Variants in CRIP1 observed in about 807,000 individuals in gnomAD.
CRIP1 encodes cysteine-rich protein 1.
A neutral mutation model predicts 12.9 loss-of-function variants in CRIP1; 11 were observed. That is an observed-to-expected ratio of 0.86 (90% CI 0.54 to 1.42). The LOEUF (loss-of-function observed/expected upper bound fraction) is 1.42. Among genes scored for constraint, CRIP1 ranks in the 40% most tolerant of loss-of-function variants. The pLI, the probability that CRIP1 is intolerant of heterozygous loss-of-function variation, is 0.00. For missense variants in CRIP1, 122 were observed against 101.3 expected (o/e 1.20, Z -0.88); for synonymous variants, 41 against 37.2 (o/e 1.10, Z -0.37).
At chr14:105,487,857 C>T (rs1555438347) in intron 2 of CRIP1, 6 of 420,850 alleles carry the variant, frequency 1.4e-5, no homozygotes, top group Non-Finnish European at 2.2e-5. Context: ...CTGACCTAAG[C>T]CGCGACCCCT....
Position 105,488,911 on chromosome 14 carries a change from G to A in CRIP1, c.*254G>A, listed in dbSNP as rs2084156022. Reference sequence around the variant, plus strand: ...TGCCCATTGCCCTCCCCAGGGGGCCGTTCCAGGGTCTCATAGGCGAGGGCT... The same window carrying A: ...TGCCCATTGCCCTCCCCAGGGGGCCATTCCAGGGTCTCATAGGCGAGGGCT... On this transcript the variant is annotated 3_prime_UTR_variant, in exon 6 of 6. Transcript: ENST00000392531. The A allele has an allele frequency of 8.3e-6, 2 of 240,212 alleles. No homozygotes were observed. Among genetic ancestry groups the A allele is most frequent in the African/African-American group, 4.5e-5 (2 of 44,730 alleles). The allele number at this position is 240,212 out of a possible 1,614,324, so 14.9% of individuals were successfully genotyped here. A position where few individuals can be genotyped will look rare whatever the true frequency, so the allele number is the denominator to read the frequency against.
Position 105,488,479 on chromosome 14 carries a change from C to A in CRIP1, c.202C>A (p.Arg68=). The A allele has an allele frequency of 7.3e-7, 1 of 1,372,492 alleles. No individual in the cohort carries two copies. Among genetic ancestry groups the A allele is most frequent in the South Asian group, 1.1e-5 (1 of 87,748 alleles). The allele number at this position is 1,372,492 out of a possible 1,614,324, so 85.0% of individuals were successfully genotyped here. The stretch of plus-strand genomic sequence containing the variant: ...TTCCACCTTCTCTGCAGGCTTTGGG[C>A]GGGGCGGAGCCGAGAGCCACACTTT... ...AAMFGPKGFG[R]GGAESHTFK is the part of the protein sequence containing the mutation. Residue 68 remains arginine, a synonymous_variant, in exon 5 of 6, where the codon CGG becomes AGG. Coordinates refer to ENST00000392531, the MANE Select transcript of CRIP1 (RefSeq NM_001311.5).
rs1555438458 is a variant in CRIP1, at chr14:105,488,248, G to A, written c.123G>A (p.Gly41=). The A allele has an allele frequency of 6.2e-7, 1 of 1,613,452 alleles. No homozygotes were observed. The highest frequency in any genetic ancestry group is 1.7e-5 in the Admixed American group (1 of 60,032). The change falls in exon 3 of 6, where the codon GGG becomes GGA. Residue 41 remains glycine, a synonymous_variant. Transcript: ENST00000392531. ...AATGTGGGAAGACGCTGACCTCTGG[G>A]GGCCACGCTGAGGTAGGTGGGACCC... The part of the protein sequence containing the change: ...CEKCGKTLTS[G]GHAEHEGKPY...
intron 2 of CRIP1, chr14:105,487,965 T>G: frequency 1.7e-6 from 1 of 582,218 alleles, no homozygotes; most frequent in East Asian, 2.9e-5. Flanking sequence ...CCGCGCTTTG[T>G]TTAGTTGTAT....
At position 105,487,232 on chromosome 14, in the gene CRIP1, T is replaced by C; in HGVS notation, c.-28T>C. 1 of 1,542,128 alleles carries C rather than the reference T, an allele frequency of 6.5e-7. No individual in the cohort carries two copies. Among genetic ancestry groups the C allele is most frequent in the Non-Finnish European group, 8.7e-7 (1 of 1,143,904 alleles). ...CTGCAGCCCGTGCCGCCCCAGCCGC[T>C]GCCGCCTGCACCGGACCCGGAGCCG... On this transcript the variant is annotated 5_prime_UTR_variant, in exon 2 of 6. Transcript: ENST00000392531.
chr14:105,487,263 C>T lies in CRIP1; in HGVS notation c.4C>T (p.Pro2Ser), dbSNP rs1555438207. The T allele has an allele frequency of 1.3e-6, 2 of 1,544,734 alleles. No homozygotes were observed. Among genetic ancestry groups the T allele is most frequent in the African/African-American group, 2.8e-5 (2 of 72,546 alleles). M[P>S]KCPKCNKEVY... is the part of the protein sequence containing the mutation. ...CTGCACCGGACCCGGAGCCGTCATG[C>T]CCAAGTGTCCCAAGTGCAACAAGGA... Residue 2 changes from proline to serine, a missense_variant, in exon 2 of 6, where the codon CCC becomes TCC. Transcript: ENST00000392531.
In CRIP1 at chr14:105,488,681, T is replaced by C. The variant is rs921103947; in HGVS notation, c.*24T>C. The C allele has an allele frequency of 5.4e-6, 4 of 745,148 alleles. 1 individual carries two copies. The highest frequency in any genetic ancestry group is 8.8e-6 in the Non-Finnish European group (4 of 453,712). The allele number at this position is 745,148 out of a possible 1,614,324, so 46.2% of individuals were successfully genotyped here. ...TGCACAGGTGGTGGAGACCCCATCC[T>C]TGGCTGCTTGCAGGGCCACTGTCCA... On this transcript the variant is annotated 3_prime_UTR_variant, in exon 6 of 6. Transcript: ENST00000392531.
Position 105,487,279 on chromosome 14 carries a change from G to A in CRIP1, c.20G>A (p.Cys7Tyr), listed in dbSNP as rs1555438227. The A allele has an allele frequency of 6.5e-7, 1 of 1,544,952 alleles. No individual in the cohort carries two copies. Among genetic ancestry groups the A allele is most frequent in the Non-Finnish European group, 8.7e-7 (1 of 1,144,748 alleles). ...GCCGTCATGCCCAAGTGTCCCAAGT[G>A]CAACAAGGAGGTGTACTTCGGTGAG... MPKCPKCNKEVYFAERV... is the reference protein window; with the variant it reads MPKCPKYNKEVYFAERV... Residue 7 changes from cysteine (C) to tyrosine (Y), a missense_variant, in exon 2 of 6, where the codon TGC becomes TAC. Coordinates refer to ENST00000392531, the MANE Select transcript of CRIP1 (RefSeq NM_001311.5).
Position 105,488,403 on chromosome 14 carries a change from T to TGCCCCCCCCCCCC in CRIP1, c.193+15_193+16insGCCCCCCCCCCCC. The TGCCCCCCCCCCCC allele has an allele frequency of 3.2e-6, 5 of 1,580,462 alleles. No homozygotes were observed. Among genetic ancestry groups the TGCCCCCCCCCCCC allele is most frequent in the Non-Finnish European group, 4.3e-6 (5 of 1,156,498 alleles). On this transcript the variant is annotated intron_variant, in intron 4 of 5. Transcript: ENST00000392531. ...TGGGCCTAAAGGTATGCTCCCGTCA[T>TGCCCCCCCCCCCC]CCCCACCCCACCCCACCCCACAGCC...
intron 2 of CRIP1, chr14:105,487,963 T>G (rs1555438383): frequency 3.5e-6 from 2 of 573,038 alleles, no homozygotes; most frequent in Non-Finnish European, 6.2e-6. Context: ...CCCCGCGCTT[T>G]GTTTAGTTGT....
rs879994362 is a variant in CRIP1, at chr14:105,488,657, G to A, written c.*6-6G>A. ...CTCACGTCTGTGCCTGTCTCTCTCT[G>A]CACAGGTGGTGGAGACCCCATCCTT... On this transcript the variant is annotated splice_region_variant and splice_polypyrimidine_tract_variant and intron_variant, in intron 5 of 5. Coordinates refer to ENST00000392531, the MANE Select transcript of CRIP1 (RefSeq NM_001311.5). 2 of 898,698 alleles carry A rather than the reference G, an allele frequency of 2.2e-6. No individual in the cohort carries two copies. The highest frequency in any genetic ancestry group is 1.6e-5 in the South Asian group (1 of 61,076). 55.7% of individuals were successfully genotyped at this position (898,698 alleles called of 1,614,324 possible).
intron 4 of CRIP1, 33 bp from the exon 5 acceptor site, chr14:105,488,423 ACAGCCTCCTCCACCC>A (rs1371853434): frequency 1.9e-6 from 1 of 521,378 alleles, no homozygotes; most frequent in Non-Finnish European, 2.8e-6. Context: ...ACCCCACCCC[ACAGCCTCCTCCACCC>A]CAGCCTGTTG....
Position 105,488,366 on chromosome 14 carries a change from C to G in CRIP1, c.171C>G (p.Tyr57Ter). 6.2e-7 allele frequency: 1 copy of G among 1,613,470 alleles called. No homozygotes were observed. Among genetic ancestry groups the G allele is most frequent in the Non-Finnish European group, 8.5e-7 (1 of 1,179,980 alleles). Residue 57 changes from tyrosine (Y) to a stop codon, truncating the protein, a stop_gained, in exon 4 of 6, where the codon TAC (tyrosine) becomes TAG (stop). Coordinates refer to ENST00000392531, the MANE Select transcript of CRIP1 (RefSeq NM_001311.5). LOFTEE classifies it high-confidence loss of function. ...AACCCTACTGCAACCACCCCTGCTA[C>G]GCAGCCATGTTTGGGCCTAAAGGTA... is the stretch of plus-strand genomic sequence containing the variant. ...EGKPYCNHPCYAAMFGPKGFG... is the reference protein window; with the variant it reads ...EGKPYCNHPC
At chr14:105,488,043 G>A in intron 2 of CRIP1, 123 bp from the exon 3 acceptor site, 1 of 962,276 alleles carries the variant, frequency 1.0e-6, no homozygotes, top group Non-Finnish European at 1.6e-6. Context: ...CTGCCAGGCT[G>A]GGCGGATGCG....
chr14:105,488,379 G>T lies in CRIP1; in HGVS notation c.184G>T (p.Gly62Trp), dbSNP rs1555438520. Residue 62 changes from glycine (G) to tryptophan (W), a missense_variant, in exon 4 of 6, where the codon GGG (glycine) becomes TGG (tryptophan). Gly to Trp is a radical substitution (Grantham distance 184). Coordinates refer to ENST00000392531, the MANE Select transcript of CRIP1 (RefSeq NM_001311.5). ...CCACCCCTGCTACGCAGCCATGTTT[G>T]GGCCTAAAGGTATGCTCCCGTCATC... ...CNHPCYAAMF[G>W]PKGFGRGGAE... 1 of 1,613,250 alleles carries T rather than the reference G, an allele frequency of 6.2e-7. No individual in the cohort carries two copies. The highest frequency in any genetic ancestry group is 1.1e-5 in the South Asian group (1 of 91,078).
intron 2 of CRIP1, 190 bp from the exon 3 acceptor site, chr14:105,487,976 T>C: frequency 1.7e-6 from 1 of 602,882 alleles, no homozygotes; most frequent in South Asian, 2.0e-5. Context: ...TTAGTTGTAT[T>C]GGCTCTGGGG....
In CRIP1 at chr14:105,486,969, C is replaced by T; in HGVS notation, c.-65C>T. 1 of 1,190,820 alleles carries T rather than the reference C, an allele frequency of 8.4e-7. No homozygotes were observed. Among genetic ancestry groups the T allele is most frequent in the Non-Finnish European group, 1.0e-6 (1 of 970,404 alleles). 73.8% of individuals were successfully genotyped at this position (1,190,820 alleles called of 1,614,324 possible). On this transcript the variant is annotated 5_prime_UTR_variant, in exon 1 of 6. Coordinates refer to ENST00000392531, the MANE Select transcript of CRIP1 (RefSeq NM_001311.5). Reference sequence around the variant, plus strand: ...GAACTCGCCTAAAGAGCTGCGCCCTCTCAGTAAGTCCCCATGGCCCCCTGC... The same window carrying T: ...GAACTCGCCTAAAGAGCTGCGCCCTTTCAGTAAGTCCCCATGGCCCCCTGC...
chr14:105,488,669 G>A lies in CRIP1; in HGVS notation c.*12G>A. 2 of 820,858 alleles carry A rather than the reference G, an allele frequency of 2.4e-6. 1 individual carries two copies. The highest frequency in any genetic ancestry group is 3.5e-5 in the South Asian group (2 of 57,910). 50.8% of individuals were successfully genotyped at this position (820,858 alleles called of 1,614,324 possible). A position where few individuals can be genotyped will look rare whatever the true frequency, so the allele number is the denominator to read the frequency against. On this transcript the variant is annotated 3_prime_UTR_variant, in exon 6 of 6. Coordinates refer to ENST00000392531, the MANE Select transcript of CRIP1 (RefSeq NM_001311.5). The stretch of plus-strand genomic sequence containing the variant: ...CCTGTCTCTCTCTGCACAGGTGGTG[G>A]AGACCCCATCCTTGGCTGCTTGCAG...
chr14:105,488,418 A>G (rs782055319), intron 4 of CRIP1, 30 bp downstream of exon 4: 35 of 528,810 alleles, frequency 6.6e-5, no homozygotes, highest in Non-Finnish European at 9.2e-5. Context: ...ACCCCACCCC[A>G]CCCCACAGCC....
Sources: gnomAD v4.1 joint callset for allele counts on GRCh38, gnomAD v4.1.1 for gene constraint, MANE v1.5 for transcripts, NCBI Gene and HGNC (gene_info 2026-07-23, HGNC 2026-07-21) for gene names.